ERBB4: variants seen among roughly 807,000 people sequenced by gnomAD.
ERBB4 encodes erb-b2 receptor tyrosine kinase 4.
In ERBB4, 42 loss-of-function variants were observed where a neutral mutation model predicts 158.0. That is an observed-to-expected ratio of 0.27 (90% confidence interval 0.21 to 0.34). ERBB4 has a LOEUF of 0.34. ERBB4 is among the 10% of genes least tolerant of loss of function. The pLI, the probability that ERBB4 is intolerant of heterozygous loss-of-function variation, is 1.00. For missense variants in ERBB4, 1,333 were observed against 1,624.1 expected (o/e 0.82, Z 3.08); for synonymous variants, 583 against 558.7 (o/e 1.04, Z -0.61).
chr2:211,756,864 C>G (rs1559491006), intron 4 of ERBB4, among the ~76,000 whole-genome samples: 1 of 152,158 alleles, frequency 6.6e-6, no homozygotes, highest in Non-Finnish European at 1.5e-5. Context: ...ACCAAACTTT[C>G]AGACAAGCAG....
chr2:212,269,551 T>A (rs963718723), intron 1 of ERBB4, among the ~76,000 whole-genome samples: 11 of 151,808 alleles, frequency 7.2e-5, no homozygotes, highest in African/African-American at 2.7e-4. Flanking sequence ...ATTTGTGCAA[T>A]TAAGTATATG....
At chr2:212,255,274 A>C (rs369167698) in intron 1 of ERBB4, among the ~76,000 whole-genome samples, 11 of 152,182 alleles carry the variant, frequency 7.2e-5, no homozygotes, top group African/African-American at 2.4e-4. Flanking sequence ...ATGTGTGTAT[A>C]TATGAAAGAC....
chr2:212,143,788 C>T (rs1829675), intron 1 of ERBB4, among the ~76,000 whole-genome samples: 77,006 of 151,460 alleles, frequency 0.51, 20,664 homozygotes, highest in Non-Finnish European at 0.6. Context: ...GAGGCCGAGG[C>T]GGGCGGATCA....
intron 1 of ERBB4, among the ~76,000 whole-genome samples, chr2:212,415,744 C>T (rs79036782): frequency 0.035 from 5,376 of 152,104 alleles, 329 homozygotes; most frequent in African/African-American, 0.12. Flanking sequence ...AATATCACCA[C>T]AATATTTTCT....
intron 1 of ERBB4, among the ~76,000 whole-genome samples, chr2:212,470,848 G>A (rs993481181): frequency 6.6e-6 from 1 of 151,808 alleles, no homozygotes; most frequent in Admixed American, 6.6e-5. Context: ...TTAATTCAAG[G>A]AACATTTCTT....
chr2:211,740,951 GAATAT>G (rs2074775635), intron 5 of ERBB4, among the ~76,000 whole-genome samples: 1 of 152,112 alleles, frequency 6.6e-6, no homozygotes, highest in Non-Finnish European at 1.5e-5. Flanking sequence ...ATTTGAAAAA[GAATAT>G]AATACATTTC....
At chr2:211,495,282 GA>G (rs988170273) in intron 20 of ERBB4, among the ~76,000 whole-genome samples, 1 of 151,814 alleles carries the variant, frequency 6.6e-6, no homozygotes, top group Non-Finnish European at 1.5e-5. Flanking sequence ...ATTGTGCCTG[GA>G]AAAATCATAT....
intron 1 of ERBB4, among the ~76,000 whole-genome samples, chr2:212,250,855 CCT>C (rs1331395864): frequency 2.0e-5 from 3 of 151,846 alleles, no homozygotes; most frequent in South Asian, 2.1e-4. Flanking sequence ...GCCCTGCTCC[CCT>C]GTTTTCTTAT....
rs142425506 is a variant in ERBB4, at chr2:212,050,260, A to C, written c.234+74492T>G. Among the ~76,000 whole-genome samples, 1,006 of 152,260 alleles carry C rather than the reference A, an allele frequency of 6.6e-3. 5 individuals are homozygous for C. Among genetic ancestry groups the C allele is most frequent in the Middle Eastern group, 0.048 (14 of 294 alleles). On this transcript the variant is annotated intron_variant, in intron 2 of 27. Coordinates refer to ENST00000342788, the MANE Select transcript of ERBB4 (RefSeq NM_005235.3). ...ATCAGAAAACTTTCTGGCAAAGTTT[A>C]GATTTAGGGGATCTATGGAGATTTC... is the stretch of plus-strand genomic sequence containing the variant.
intron 5 of ERBB4, among the ~76,000 whole-genome samples, chr2:211,733,044 C>A (rs2074479687): frequency 6.6e-6 from 1 of 152,136 alleles, no homozygotes; most frequent in Non-Finnish European, 1.5e-5. Context: ...CAGGTTTGAC[C>A]TGATGAATCC....
At chr2:211,903,884 A>T (rs995369845) in intron 3 of ERBB4, among the ~76,000 whole-genome samples, 23 of 152,082 alleles carry the variant, frequency 1.5e-4, no homozygotes, top group African/African-American at 5.3e-4. Flanking sequence ...ACAACTGCTG[A>T]TATATCCTAG....
intron 19 of ERBB4, among the ~76,000 whole-genome samples, chr2:211,607,584 A>G (rs1370624942): frequency 6.6e-6 from 1 of 152,114 alleles, no homozygotes; most frequent in African/African-American, 2.4e-5. Context: ...TCTGTGACGA[A>G]CTGGTCTCAT....
chr2:211,476,652 A>T (rs1207187281), intron 20 of ERBB4, among the ~76,000 whole-genome samples: 1 of 152,024 alleles, frequency 6.6e-6, no homozygotes, highest in Non-Finnish European at 1.5e-5. Context: ...ATGGCTGATA[A>T]CCTCCCAAAA....
rs186160098 is a variant in ERBB4 at position 211,866,359 on chromosome 2, T to C, written c.422-78200A>G. Among the ~76,000 whole-genome samples the C allele has an allele frequency of 7.4e-4, 112 of 152,320 alleles. No individual in the cohort carries two copies. In the East Asian group the frequency reaches 0.019, roughly 26 times the overall value. ...TTTGATTTTTATTCTTTGGATGTTT[T>C]CCTATTTTGTAATTATGACTAGTTA... On this transcript the variant is annotated intron_variant, in intron 3 of 27. Transcript: ENST00000342788.
At chr2:211,630,000 G>A (rs1036417763) in intron 17 of ERBB4, among the ~76,000 whole-genome samples, 2 of 152,208 alleles carry the variant, frequency 1.3e-5, no homozygotes, top group Non-Finnish European at 2.9e-5. Context: ...AGGACTTCAT[G>A]TCTAAAACAC....
chr2:211,871,347 A>C (rs1202276314), intron 3 of ERBB4, among the ~76,000 whole-genome samples: 2 of 152,252 alleles, frequency 1.3e-5, no homozygotes, highest in East Asian at 3.9e-4. Context: ...TAAATAAATA[A>C]ATACAATTTT....
intron 1 of ERBB4, among the ~76,000 whole-genome samples, chr2:212,501,177 CA>C (rs923205788): frequency 2.0e-5 from 3 of 152,082 alleles, no homozygotes; most frequent in African/African-American, 7.2e-5. Flanking sequence ...TCTAATGACA[CA>C]AAGTACACCA....
chr2:212,267,978 T>C (rs374874335), intron 1 of ERBB4, among the ~76,000 whole-genome samples: 2 of 151,896 alleles, frequency 1.3e-5, no homozygotes, highest in South Asian at 4.1e-4. Context: ...AATTACAATA[T>C]CTACATATCA....
intron 2 of ERBB4, among the ~76,000 whole-genome samples, chr2:212,099,272 G>A (rs140535973): frequency 6.6e-5 from 10 of 151,694 alleles, no homozygotes. Flanking sequence ...CAAATAAAAG[G>A]CTACTGCTTC....
Sources: gnomAD v4.1 joint callset for allele counts (sites outside exome capture counted in the v4.1 genomes callset) on GRCh38, gnomAD v4.1.1 for gene constraint, MANE v1.5 for transcripts, NCBI Gene and HGNC (gene_info 2026-07-23, HGNC 2026-07-21) for gene names.